Variants in DMD observed in about 807,000 individuals in gnomAD.
DMD encodes the protein dystrophin, also known as mutant dystrophin.
A neutral mutation model predicts 330.1 loss-of-function variants in DMD; 63 were observed. The ratio of observed to expected loss-of-function variants is 0.19; its 90% confidence interval spans 0.16 to 0.24. The LOEUF (loss-of-function observed/expected upper bound fraction) is 0.24. DMD is among the 10% of genes least tolerant of loss of function. DMD has a pLI of 1.00. For missense variants in DMD, 3,344 were observed against 2,684.1 expected, an observed-to-expected ratio of 1.25 and a Z score of -5.43; for synonymous variants, 1,223 against 959.8, an observed-to-expected ratio of 1.27 and a Z score of -5.07.
At chrX:32,845,045 A>G (rs780292401) in intron 3 of DMD, among the ~76,000 whole-genome samples, 185 bp from the exon 4 acceptor site, 4 of 112,224 alleles carry the variant, frequency 3.6e-5, no homozygotes, top group Non-Finnish European at 7.5e-5. Flanking sequence ...TTTTTAGCAT[A>G]AACCAACCAC....
chrX:31,907,900 C>G (rs1235793332), intron 47 of DMD, among the ~76,000 whole-genome samples: 3 of 112,359 alleles, frequency 2.7e-5, no homozygotes, highest in Admixed American at 9.4e-5. Context: ...GAAAAGTCGG[C>G]CAAGGATAGG....
At chrX:32,417,946 G>A (rs2098172497) in intron 29 of DMD, among the ~76,000 whole-genome samples, 1 of 105,322 alleles carries the variant, frequency 9.5e-6, no homozygotes, top group Admixed American at 1.0e-4. Flanking sequence ...TATAACTGAA[G>A]TGCAGTTAAA....
At chrX:32,735,898 A>C (rs1156240706) in intron 7 of DMD, among the ~76,000 whole-genome samples, 3 of 112,043 alleles carry the variant, frequency 2.7e-5, no homozygotes, top group African/African-American at 9.8e-5. Flanking sequence ...ATGGCAACAA[A>C]AGCCAGAACT....
chrX:32,561,483 C>A (rs2050998680), intron 16 of DMD, among the ~76,000 whole-genome samples: 1 of 111,694 alleles, frequency 9.0e-6, no homozygotes, highest in Admixed American at 9.6e-5. Flanking sequence ...AATGAATGTA[C>A]AAAACGTCTG....
chrX:31,740,757 C>T (rs2087265972), intron 51 of DMD, among the ~76,000 whole-genome samples: 1 of 111,783 alleles, frequency 8.9e-6, no homozygotes, highest in Non-Finnish European at 1.9e-5. Flanking sequence ...ATCAGGGTGG[C>T]GGTTGCTGAA....
rs67778598 is a variant in DMD at position 32,412,454 on chromosome X, T to C, written c.4072-541A>G. Among the ~76,000 whole-genome samples the C allele has an allele frequency of 0.028, 3,153 of 112,272 alleles. 115 individuals are homozygous for C. The highest frequency in any genetic ancestry group is 0.085 in the African/African-American group (2,625 of 30,883). ...TTTCAACCAGCTTTGCATGATCTTT[T>C]TTCTCCCTACTTTCTTTCACAATTT... On this transcript the variant is annotated intron_variant, in intron 29 of 78. Coordinates refer to ENST00000357033, the MANE Select transcript of DMD (RefSeq NM_004006.3).
intron 2 of DMD, among the ~76,000 whole-genome samples, chrX:32,852,012 G>T (rs927912172): frequency 9.0e-6 from 1 of 111,484 alleles, no homozygotes; most frequent in Non-Finnish European, 1.9e-5. Flanking sequence ...AAGTCTTGGT[G>T]TCGTGCTGGA....
rs1435059288 is a variant in DMD at position 33,231,551 on chromosome X, G to A, written c.7+107708C>T. On this transcript the variant is annotated intron_variant, in intron 1 of 17. Coordinates refer to the DMD transcript ENST00000288447. ...TCAGCCATGTCCCTGGCAAGAAATA[G>A]AATTCAACATGGATGGTTCAATAAA... 6.3e-5 allele frequency among the ~76,000 whole-genome samples: 7 copies of A among 111,666 alleles called. No homozygotes were observed. In the Admixed American group the frequency reaches 6.7e-4, roughly 11 times the overall value.
chrX:32,707,783 C>G (rs111418539), intron 7 of DMD, among the ~76,000 whole-genome samples: 4 of 111,912 alleles, frequency 3.6e-5, no homozygotes, highest in African/African-American at 1.3e-4. Context: ...CAAATGGAAG[C>G]TACTCAGTCA....
In DMD at chrX:32,489,371, G is replaced by A. The variant is rs184580260; in HGVS notation, c.2622+1906C>T. Reference sequence around the variant, plus strand: ...CGGGGTGGGGGGCTAATCCCTTAGGGATTGGTGGCTTTATAAAAGGAGGCA... The same window carrying A: ...CGGGGTGGGGGGCTAATCCCTTAGGAATTGGTGGCTTTATAAAAGGAGGCA... On this transcript the variant is annotated intron_variant, in intron 20 of 78. Transcript: ENST00000357033. Among the ~76,000 whole-genome samples, 657 of 110,553 alleles carry A rather than the reference G, an allele frequency of 5.9e-3. 2 individuals carry two copies. Among genetic ancestry groups the A allele is most frequent in the Non-Finnish European group, 0.01 (535 of 52,823 alleles).
rs185874228 is a variant in DMD at position 32,141,209 on chromosome X, T to G, written c.6438+75707A>C. On this transcript the variant is annotated intron_variant, in intron 44 of 78. Transcript: ENST00000357033. Reference sequence around the variant, plus strand: ...GGGAGGCTGAGTCGGGTGGATGACTTGAGGCTAGGAGTTCGAGACCAGCCT... The same window carrying G: ...GGGAGGCTGAGTCGGGTGGATGACTGGAGGCTAGGAGTTCGAGACCAGCCT... 1.4e-3 allele frequency among the ~76,000 whole-genome samples: 152 copies of G among 107,695 alleles called. 1 individual carries two copies. The highest frequency in any genetic ancestry group is 5.0e-3 in the African/African-American group (148 of 29,378). 93.5% of individuals were successfully genotyped at this position (107,695 alleles called of 115,157 possible).
intron 44 of DMD, among the ~76,000 whole-genome samples, chrX:32,213,999 A>G (rs2097103166): frequency 1.8e-5 from 2 of 111,357 alleles, no homozygotes; most frequent in Middle Eastern, 4.6e-3. Flanking sequence ...ATTGAGGGGA[A>G]AAGTTTTGAT....
At chrX:33,300,435 C>T (rs746889132) in intron 1 of DMD, among the ~76,000 whole-genome samples, 22 of 112,205 alleles carry the variant, frequency 2.0e-4, no homozygotes, top group Admixed American at 4.7e-4. Context: ...TCCTATCTTG[C>T]TGATGAGGAA....
At chrX:33,253,525 A>T (rs982398290) in intron 1 of DMD, among the ~76,000 whole-genome samples, 1 of 111,746 alleles carries the variant, frequency 8.9e-6, no homozygotes, top group African/African-American at 3.2e-5. Context: ...AAACAAAAAA[A>T]TTTCAATGAG....
chrX:32,781,720 A>G, intron 7 of DMD, among the ~76,000 whole-genome samples: 1 of 110,835 alleles, frequency 9.0e-6, no homozygotes, highest in Non-Finnish European at 1.9e-5. Flanking sequence ...AGATGGGCAC[A>G]TGAGTACGTG....
chrX:32,763,067 T>TGTC (rs2072525423), intron 7 of DMD, among the ~76,000 whole-genome samples: 2 of 111,452 alleles, frequency 1.8e-5, no homozygotes, highest in East Asian at 2.8e-4. Context: ...ATTTATATGA[T>TGTC]ATGTCAGGAG....
chrX:32,815,520 T>TATATATATATATATACACAC, intron 6 of DMD, among the ~76,000 whole-genome samples: 20 of 78,916 alleles, frequency 2.5e-4, no homozygotes, highest in East Asian at 3.7e-4. Flanking sequence ...TATATATATA[T>TATATATATATATATACACAC]ACACACACAC....
chrX:33,279,497 T>C (rs2148919974), intron 1 of DMD, among the ~76,000 whole-genome samples: 1 of 110,775 alleles, frequency 9.0e-6, no homozygotes, highest in African/African-American at 3.3e-5. Context: ...TTTTGTGTGT[T>C]TTGGTACTAT....
chrX:33,220,420 A>G (rs1176874944), intron 1 of DMD, among the ~76,000 whole-genome samples: 1 of 111,703 alleles, frequency 9.0e-6, no homozygotes, highest in African/African-American at 3.3e-5. Context: ...CTTTGCCTTC[A>G]TTTTCAACCC....
Sources: allele counts gnomAD v4.1 joint callset (sites outside exome capture counted in the v4.1 genomes callset), GRCh38; gene constraint gnomAD v4.1.1; transcripts MANE v1.5; gene names NCBI Gene and HGNC (gene_info 2026-07-23, HGNC 2026-07-21).